Variants in CLEC1A observed in about 807,000 individuals in gnomAD.
CLEC1A encodes the protein C-type lectin-like receptor-1.
Under a neutral mutation model 28.7 loss-of-function variants are expected in CLEC1A, and 34 were observed. That is an observed-to-expected ratio of 1.18 (90% CI 0.90 to 1.57). CLEC1A has a LOEUF of 1.57. CLEC1A is among the 40% of genes most tolerant of loss of function. The pLI, the probability that CLEC1A is intolerant of heterozygous loss-of-function variation, is 0.00. For synonymous variants in CLEC1A, 116 were observed against 121.0 expected, an observed-to-expected ratio of 0.96 and a Z score of 0.27; for missense variants, 385 against 339.5, an observed-to-expected ratio of 1.13 and a Z score of -1.05.
At chr12:10,083,428 CCAGAGAA>C (rs1866411388) in intron 2 of CLEC1A, among the ~76,000 whole-genome samples, 1 of 152,202 alleles carries the variant, frequency 6.6e-6, no homozygotes, top group African/African-American at 2.4e-5. Flanking sequence ...CAAGGAGATA[CCAGAGAA>C]AAGTGAAAAC....
intron 3 of CLEC1A, among the ~76,000 whole-genome samples, chr12:10,079,396 A>G (rs1391132781): frequency 2.6e-5 from 4 of 152,174 alleles, no homozygotes; most frequent in Non-Finnish European, 5.9e-5. Context: ...GCATTAATAT[A>G]TTTGCATTTA....
At chr12:10,095,223 C>A (rs1212233882) in intron 1 of CLEC1A, among the ~76,000 whole-genome samples, 2 of 152,058 alleles carry the variant, frequency 1.3e-5, no homozygotes, top group Non-Finnish European at 2.9e-5. Context: ...AACTAAAACG[C>A]TGGGAAATTC....
chr12:10,076,861 C>T (rs1866262603), intron 3 of CLEC1A, among the ~76,000 whole-genome samples: 1 of 152,166 alleles, frequency 6.6e-6, no homozygotes, highest in African/African-American at 2.4e-5. Context: ...GATTATGAAG[C>T]AGCAACTGGA....
At chr12:10,086,350 C>A in intron 2 of CLEC1A, among the ~76,000 whole-genome samples, 1 of 137,092 alleles carries the variant, frequency 7.3e-6, no homozygotes. Flanking sequence ...CAGAGAAGAA[C>A]TAAATGATAT....
rs2277416 is a variant in CLEC1A, at chr12:10,089,230, G to T, written c.116-8C>A. On this transcript the variant is annotated splice_polypyrimidine_tract_variant and splice_region_variant and intron_variant, in intron 1 of 5. Transcript: ENST00000315330. ...AAGAGGGAGCCCTGTGCTCTGCAGG[G>T]AACAGAAGAGAAAGCAGAGTTTGGC... 1,329,237 of 1,611,838 alleles carry T rather than the reference G, an allele frequency of 0.82. 562,527 individuals are homozygous for T. Among genetic ancestry groups the T allele is most frequent in the Non-Finnish European group, 0.88 (1,034,569 of 1,178,426 alleles).
chr12:10,091,694 G>A (rs1382552256), intron 1 of CLEC1A, among the ~76,000 whole-genome samples: 2 of 151,644 alleles, frequency 1.3e-5, no homozygotes, highest in Non-Finnish European at 1.5e-5. Context: ...ATATAGTTTG[G>A]GTTAATCATC....
At chr12:10,086,596 G>C (rs1304603808) in intron 2 of CLEC1A, among the ~76,000 whole-genome samples, 1 of 151,996 alleles carries the variant, frequency 6.6e-6, no homozygotes, top group Non-Finnish European at 1.5e-5. Context: ...AACCCTCCTA[G>C]ATTAAACCAG....
rs1353037331 is a variant in CLEC1A, at chr12:10,081,166, C to T, written c.391+71G>A. 2.9e-6 allele frequency: 4 copies of T among 1,357,794 alleles called. No individual in the cohort carries two copies. The Admixed American group carries it at 7.6e-5, about 26-fold the overall frequency. 84.1% of individuals were successfully genotyped at this position (1,357,794 alleles called of 1,614,324 possible). ...CTAGTTAAATAATACTTGACTCTCA[C>T]TTTCACCGGCGGGAAATCCATCTCT... On this transcript the variant is annotated intron_variant, in intron 3 of 5. Transcript: ENST00000315330.
At position 10,089,113 on chromosome 12, in the gene CLEC1A, C is replaced by G; in HGVS notation, c.214+11G>C. On this transcript the variant is annotated intron_variant, in intron 2 of 5. Coordinates refer to ENST00000315330, the MANE Select transcript of CLEC1A (RefSeq NM_016511.4). ...ACCAGGATCCTCCCCCAGGTCAGAG[C>G]GCAGACTTACACAAAAGCCCCAGGG... 1 of 1,604,874 alleles carries G rather than the reference C, an allele frequency of 6.2e-7. No individual in the cohort carries two copies. The highest frequency in any genetic ancestry group is 8.5e-7 in the Non-Finnish European group (1 of 1,171,686).
intron 5 of CLEC1A, among the ~76,000 whole-genome samples, chr12:10,071,745 G>A (rs773133135): frequency 3.3e-5 from 5 of 152,226 alleles, no homozygotes; most frequent in Admixed American, 2.0e-4. Context: ...GCGAAGCTAC[G>A]TGTTCTCCTC....
chr12:10,092,602 T>C, intron 1 of CLEC1A: 1 of 184,792 alleles, frequency 5.4e-6, no homozygotes, highest in South Asian at 6.4e-5. Context: ...ATAAATCTGC[T>C]TTCTCTCGCA....
chr12:10,088,705 C>G (rs549876721), intron 2 of CLEC1A, among the ~76,000 whole-genome samples: 2 of 151,810 alleles, frequency 1.3e-5, no homozygotes, highest in African/African-American at 4.8e-5. Context: ...AGGAGTTTAC[C>G]TACTCTCCTT....
chr12:10,088,494 T>A (rs1866548010), intron 2 of CLEC1A, among the ~76,000 whole-genome samples: 1 of 87,472 alleles, frequency 1.1e-5, no homozygotes. Flanking sequence ...AAAGAACAGT[T>A]ATTCAGCTGT....
In CLEC1A at chr12:10,090,263, T is replaced by C. The variant is rs185483720; in HGVS notation, c.116-1041A>G. 2.3e-3 allele frequency among the ~76,000 whole-genome samples: 343 copies of C among 152,298 alleles called. 3 individuals are homozygous for C. The highest frequency in any genetic ancestry group is 3.1e-3 in the Admixed American group (47 of 15,292). ...TTCTTTTCCTTCTAGCAAGGTCCTA[T>C]ACATAATACATTCTAGGTACAGAGA... On this transcript the variant is annotated intron_variant, in intron 1 of 5. Transcript: ENST00000315330.
At chr12:10,092,787 C>T (rs1318686898) in intron 1 of CLEC1A, among the ~76,000 whole-genome samples, 1 of 151,976 alleles carries the variant, frequency 6.6e-6, no homozygotes, top group Non-Finnish European at 1.5e-5. Flanking sequence ...GCCTCTAGGG[C>T]AGAAAAAATA....
At chr12:10,094,177 T>C (rs1947746687) in intron 1 of CLEC1A, among the ~76,000 whole-genome samples, 1 of 152,122 alleles carries the variant, frequency 6.6e-6, no homozygotes, top group African/African-American at 2.4e-5. Context: ...TACTGAAATA[T>C]AATTCAAAAA....
chr12:10,073,085 ACAAT>A (rs1421727272), intron 5 of CLEC1A, among the ~76,000 whole-genome samples: 2 of 152,140 alleles, frequency 1.3e-5, no homozygotes, highest in African/African-American at 2.4e-5. Flanking sequence ...ATCTCAAAAA[ACAAT>A]CAAACGAACA....
At chr12:10,083,889 T>C (rs973746742) in intron 2 of CLEC1A, among the ~76,000 whole-genome samples, 8 of 151,274 alleles carry the variant, frequency 5.3e-5, no homozygotes, top group African/African-American at 1.9e-4. Context: ...CTTAGAGAAA[T>C]AGAAAATGCA....
intron 2 of CLEC1A, among the ~76,000 whole-genome samples, chr12:10,083,855 C>G (rs1327634376): frequency 1.3e-5 from 2 of 152,164 alleles, no homozygotes; most frequent in African/African-American, 4.8e-5. Context: ...AAAACAATCA[C>G]AACTTCTGGA....
Sources: gnomAD v4.1 joint callset for allele counts (sites outside exome capture counted in the v4.1 genomes callset) on GRCh38, gnomAD v4.1.1 for gene constraint, MANE v1.5 for transcripts, NCBI Gene and HGNC (gene_info 2026-07-23, HGNC 2026-07-21) for gene names.